TMEM163: variants seen among roughly 807,000 people sequenced by gnomAD.
TMEM163 encodes the protein transmembrane protein 163.
In TMEM163, 17 loss-of-function variants were observed where a neutral mutation model predicts 29.3. The ratio of observed to expected loss-of-function variants is 0.58; its 90% CI spans 0.40 to 0.87. The LOEUF (loss-of-function observed/expected upper bound fraction) is 0.87. TMEM163 is among the 40% of genes least tolerant of loss of function. TMEM163 has a pLI of 0.00. For synonymous variants in TMEM163, 157 were observed against 160.6 expected, an observed-to-expected ratio of 0.98 and a Z score of 0.17; for missense variants, 303 against 381.5, an observed-to-expected ratio of 0.79 and a Z score of 1.71.
intron 2 of TMEM163, among the ~76,000 whole-genome samples, chr2:134,573,109 T>G (rs1681470283): frequency 6.6e-6 from 1 of 152,160 alleles, no homozygotes; most frequent in Non-Finnish European, 1.5e-5. Context: ...ATTAAGGGGC[T>G]TATTTACATG....
chr2:134,709,809 C>A (rs985415017), intron 2 of TMEM163, among the ~76,000 whole-genome samples: 5 of 152,226 alleles, frequency 3.3e-5, no homozygotes, highest in African/African-American at 1.2e-4. Flanking sequence ...TTAGCATCAA[C>A]ACAGACATAA....
At chr2:134,648,784 C>G (rs1340793975) in intron 2 of TMEM163, among the ~76,000 whole-genome samples, 2 of 152,170 alleles carry the variant, frequency 1.3e-5, no homozygotes, top group African/African-American at 4.8e-5. Flanking sequence ...GTGCTAAGAA[C>G]TTGCTTCCTG....
At chr2:134,668,307 A>G (rs1683912534) in intron 2 of TMEM163, among the ~76,000 whole-genome samples, 1 of 152,044 alleles carries the variant, frequency 6.6e-6, no homozygotes. Context: ...CCCTCTCTCC[A>G]AGGTCACTAG....
At chr2:134,458,451 C>T (rs1445163444) in intron 6 of TMEM163, 3 of 408,130 alleles carry the variant, frequency 7.4e-6, no homozygotes, top group African/African-American at 2.0e-5. Context: ...TGGTCTCGCC[C>T]GTGCCCGCTA....
At position 134,541,694 on chromosome 2, in the gene TMEM163, AAC is replaced by A. The variant is rs1414361828; in HGVS notation, c.458+8874_458+8875del. 2.6e-5 allele frequency among the ~76,000 whole-genome samples: 4 copies of A among 152,216 alleles called. 1 individual carries two copies. The highest frequency in any genetic ancestry group is 1.3e-4 in the Admixed American group (2 of 15,286). On this transcript the variant is annotated intron_variant, in intron 4 of 7. Transcript: ENST00000281924. ...AAACTATGGTGTTAAATACAGAAAA[AAC>A]AGTTTTCAAAAAAACTATACGTAGA...
intron 2 of TMEM163, among the ~76,000 whole-genome samples, chr2:134,614,476 G>T (rs991249753): frequency 4.6e-5 from 7 of 151,870 alleles, no homozygotes; most frequent in African/African-American, 1.7e-4. Flanking sequence ...AAATATTAAG[G>T]ATCTACAGTG....
intron 2 of TMEM163, among the ~76,000 whole-genome samples, chr2:134,653,344 G>A (rs1416975102): frequency 4.9e-5 from 1 of 20,388 alleles, no homozygotes; most frequent in African/African-American, 4.2e-4. Context: ...AGAGGTGTTT[G>A]TAGTATTCTC....
chr2:134,571,734 C>T (rs1681436665), intron 2 of TMEM163, among the ~76,000 whole-genome samples: 1 of 152,174 alleles, frequency 6.6e-6, no homozygotes, highest in South Asian at 2.1e-4. Flanking sequence ...AGTGGAGTCA[C>T]AGAAGGCATA....
chr2:134,458,560 C>G lies in TMEM163; in HGVS notation c.668-387G>C, dbSNP rs1420548652. On this transcript the variant is annotated intron_variant, in intron 6 of 7. Transcript: ENST00000281924. ...CAGTAGACATTCAAATACTTGGGGACTCATATCTGAGTGTCTGCTGGGCCA... is the reference window on the plus strand; with the variant it reads ...CAGTAGACATTCAAATACTTGGGGAGTCATATCTGAGTGTCTGCTGGGCCA... 5 of 190,656 alleles carry G rather than the reference C, an allele frequency of 2.6e-5. No homozygotes were observed. The Admixed American group carries it at 2.7e-4, about 10-fold the overall frequency. 11.8% of individuals were successfully genotyped at this position (190,656 alleles called of 1,614,324 possible).
At chr2:134,717,804 G>T (rs112644971) in intron 1 of TMEM163, among the ~76,000 whole-genome samples, 2 of 152,230 alleles carry the variant, frequency 1.3e-5, no homozygotes, top group Admixed American at 1.3e-4. Context: ...AAAAGGTGCA[G>T]ACGCGGCCAA....
chr2:134,463,164 G>A (rs1444215193), intron 6 of TMEM163, among the ~76,000 whole-genome samples: 2 of 152,162 alleles, frequency 1.3e-5, no homozygotes, highest in Non-Finnish European at 2.9e-5. Flanking sequence ...GAGGGAAGCC[G>A]AGGCCAGCCA....
chr2:134,642,945 C>A (rs1683254299), intron 2 of TMEM163, among the ~76,000 whole-genome samples: 1 of 150,990 alleles, frequency 6.6e-6, no homozygotes, highest in South Asian at 2.1e-4. Context: ...TAGTTTCTAC[C>A]CTACAAAAAA....
intron 2 of TMEM163, among the ~76,000 whole-genome samples, chr2:134,676,143 G>T (rs768008049): frequency 2.0e-5 from 3 of 152,194 alleles, no homozygotes; most frequent in Non-Finnish European, 2.9e-5. Flanking sequence ...GCCCCGACTT[G>T]CAGCATTTGC....
chr2:134,561,031 G>T (rs904167406), intron 2 of TMEM163, among the ~76,000 whole-genome samples: 3 of 152,192 alleles, frequency 2.0e-5, no homozygotes, highest in Non-Finnish European at 4.4e-5. Context: ...CTTCAGTCTG[G>T]GAATAAGCAG....
chr2:134,622,110 G>A (rs1033212216), intron 2 of TMEM163, among the ~76,000 whole-genome samples: 1 of 152,076 alleles, frequency 6.6e-6, no homozygotes, highest in Non-Finnish European at 1.5e-5. Flanking sequence ...TTCCATAAAA[G>A]GCAAACTCTA....
At chr2:134,628,462 T>A (rs900743198) in intron 2 of TMEM163, among the ~76,000 whole-genome samples, 1 of 152,236 alleles carries the variant, frequency 6.6e-6, no homozygotes, top group Non-Finnish European at 1.5e-5. Context: ...GCAGTCCCGG[T>A]TTCACCAGTT....
At chr2:134,531,399 CT>C (rs1205292066) in intron 4 of TMEM163, among the ~76,000 whole-genome samples, 2 of 152,198 alleles carry the variant, frequency 1.3e-5, no homozygotes, top group Non-Finnish European at 2.9e-5. Context: ...CAGTTCAATT[CT>C]GACACTACCC....
intron 2 of TMEM163, among the ~76,000 whole-genome samples, chr2:134,583,342 C>T (rs1364760358): frequency 1.3e-5 from 2 of 152,226 alleles, no homozygotes; most frequent in Non-Finnish European, 2.9e-5. Flanking sequence ...TGCTTACTGG[C>T]ATGTAAGTTT....
intron 5 of TMEM163, among the ~76,000 whole-genome samples, chr2:134,472,051 C>T (rs1405302172): frequency 2.6e-5 from 4 of 152,162 alleles, no homozygotes; most frequent in Non-Finnish European, 2.9e-5. Context: ...AAGATTATGA[C>T]AAAAAGGTTT....
Sources: allele counts gnomAD v4.1 joint callset (sites outside exome capture counted in the v4.1 genomes callset), GRCh38; gene constraint gnomAD v4.1.1; transcripts MANE v1.5; gene names NCBI Gene and HGNC (gene_info 2026-07-23, HGNC 2026-07-21).